GTF2F2: variants seen among roughly 807,000 people sequenced by gnomAD.
The protein encoded by GTF2F2 is general transcription factor IIF subunit 2.
Under a neutral mutation model 42.2 loss-of-function variants are expected in GTF2F2, and 23 were observed. The ratio of observed to expected loss-of-function variants is 0.55; its 90% CI spans 0.39 to 0.77. The LOEUF is 0.77. Among genes scored for constraint, GTF2F2 ranks in the 30% least tolerant of loss-of-function variants. GTF2F2 has a pLI of 0.00. For synonymous variants in GTF2F2, 105 were observed against 100.8 expected, an observed-to-expected ratio of 1.04 and a Z score of -0.25; for missense variants, 261 against 287.2, an observed-to-expected ratio of 0.91 and a Z score of 0.66.
Position 45,120,566 on chromosome 13 carries a change from G to T in GTF2F2, c.-90G>T. ...CGCCGGCTCTTCGCCTCTCAGCGCG[G>T]CTTGTCCTTTGTTCCGGACGCCCGC... is the stretch of plus-strand genomic sequence containing the variant. On this transcript the variant is annotated 5_prime_UTR_variant, in exon 1 of 8. Transcript: ENST00000340473. 2.2e-6 allele frequency: 2 copies of T among 903,176 alleles called. No individual in the cohort carries two copies. The highest frequency in any genetic ancestry group is 2.7e-5 in the East Asian group (1 of 37,730). 55.9% of individuals were successfully genotyped at this position (903,176 alleles called of 1,614,324 possible). A position where few individuals can be genotyped will look rare whatever the true frequency, so the allele number is the denominator to read the frequency against.
chr13:45,200,432 G>T (rs1464981048), intron 4 of GTF2F2, among the ~76,000 whole-genome samples: 2 of 151,762 alleles, frequency 1.3e-5, no homozygotes, highest in Non-Finnish European at 2.9e-5. Flanking sequence ...GGAAACTCCC[G>T]TATAGTTGGG....
chr13:45,225,451 G>C (rs1288128577), intron 5 of GTF2F2, among the ~76,000 whole-genome samples: 2 of 150,934 alleles, frequency 1.3e-5, no homozygotes, highest in Non-Finnish European at 2.9e-5. Flanking sequence ...TTTCCTATAA[G>C]AATAACGTTG....
At chr13:45,208,444 C>CT (rs993710859) in intron 5 of GTF2F2, among the ~76,000 whole-genome samples, 5 of 152,118 alleles carry the variant, frequency 3.3e-5, no homozygotes, top group African/African-American at 4.8e-5. Flanking sequence ...TAGAATTATA[C>CT]TTTTTTTGTT....
At chr13:45,275,383 A>T (rs1372471494) in intron 7 of GTF2F2, among the ~76,000 whole-genome samples, 5 of 151,834 alleles carry the variant, frequency 3.3e-5, no homozygotes, top group African/African-American at 1.2e-4. Context: ...TACATGTGCC[A>T]TGTTGTTGTG....
intron 4 of GTF2F2, among the ~76,000 whole-genome samples, chr13:45,157,060 C>G (rs1870796631): frequency 6.6e-6 from 1 of 152,032 alleles, no homozygotes; most frequent in Non-Finnish European, 1.5e-5. Flanking sequence ...TCGGGAGTAT[C>G]AGGTTGGGGG....
At position 45,262,844 on chromosome 13, in the gene GTF2F2, A is replaced by T. The variant is rs1027648908; in HGVS notation, c.487-4389A>T. On this transcript the variant is annotated intron_variant, in intron 6 of 7. Transcript: ENST00000340473. ...ACTGCAGCCTCAACTTCTTGGGCTC[A>T]AGTAATCCTCCTGCCTTAGCCTCCT... Among the ~76,000 whole-genome samples the T allele has an allele frequency of 3.9e-5, 6 of 152,262 alleles. No individual in the cohort carries two copies. The South Asian group carries it at 6.2e-4, about 16-fold the overall frequency.
intron 4 of GTF2F2, chr13:45,193,815 G>A (rs1425632718): frequency 2.4e-5 from 38 of 1,605,150 alleles, no homozygotes; most frequent in Non-Finnish European, 2.9e-5. Context: ...GTGCATCGCT[G>A]TGAACAATTG....
chr13:45,129,648 C>G (rs1433149781), intron 1 of GTF2F2, among the ~76,000 whole-genome samples: 1 of 152,208 alleles, frequency 6.6e-6, no homozygotes, highest in Non-Finnish European at 1.5e-5. Context: ...TCAATATCCA[C>G]TCATTAAAAT....
intron 5 of GTF2F2, among the ~76,000 whole-genome samples, chr13:45,217,365 A>G (rs145415323): frequency 2.6e-5 from 4 of 152,008 alleles, no homozygotes; most frequent in East Asian, 3.9e-4. Context: ...TTCACACAGA[A>G]TAAGTACCAT....
chr13:45,220,036 T>C (rs1874044891), intron 5 of GTF2F2, among the ~76,000 whole-genome samples: 1 of 152,140 alleles, frequency 6.6e-6, no homozygotes, highest in Non-Finnish European at 1.5e-5. Context: ...GCAAAGACCT[T>C]TTTTGTCTGA....
chr13:45,265,126 G>C (rs1056847855), intron 6 of GTF2F2, among the ~76,000 whole-genome samples: 1 of 152,052 alleles, frequency 6.6e-6, no homozygotes, highest in Non-Finnish European at 1.5e-5. Context: ...GGGCATGGTG[G>C]TGCGCACCTG....
intron 4 of GTF2F2, among the ~76,000 whole-genome samples, chr13:45,177,375 G>A (rs1338880696): frequency 1.3e-5 from 2 of 152,072 alleles, no homozygotes; most frequent in Non-Finnish European, 2.9e-5. Flanking sequence ...GTCCACTGAG[G>A]TCCAAAAAAT....
chr13:45,160,080 G>C (rs1456695828), intron 4 of GTF2F2, among the ~76,000 whole-genome samples: 1 of 152,046 alleles, frequency 6.6e-6, no homozygotes, highest in Non-Finnish European at 1.5e-5. Flanking sequence ...CTTTAATGGA[G>C]CATTTCTTAA....
chr13:45,258,619 A>G (rs960563998), intron 6 of GTF2F2, among the ~76,000 whole-genome samples: 18 of 152,228 alleles, frequency 1.2e-4, no homozygotes, highest in South Asian at 6.2e-4. Flanking sequence ...ACGGTGTTCA[A>G]TGTATTTAAA....
intron 4 of GTF2F2, among the ~76,000 whole-genome samples, chr13:45,199,521 T>C (rs1873072523): frequency 6.6e-6 from 1 of 152,148 alleles, no homozygotes; most frequent in Non-Finnish European, 1.5e-5. Flanking sequence ...AAAATGAAGT[T>C]TTTTTTTGAA....
At chr13:45,269,865 C>G (rs1455164417) in intron 7 of GTF2F2, among the ~76,000 whole-genome samples, 2 of 151,938 alleles carry the variant, frequency 1.3e-5, no homozygotes, top group Non-Finnish European at 2.9e-5. Flanking sequence ...GAGTTTTGCT[C>G]TTGTTGCCCA....
At chr13:45,163,417 C>T (rs750598580) in intron 4 of GTF2F2, among the ~76,000 whole-genome samples, 8 of 151,978 alleles carry the variant, frequency 5.3e-5, no homozygotes, top group African/African-American at 1.9e-4. Flanking sequence ...ACGCTTGTAG[C>T]ACCAGCTGTT....
intron 5 of GTF2F2, among the ~76,000 whole-genome samples, chr13:45,242,705 G>A (rs1467208804): frequency 2.6e-5 from 4 of 152,176 alleles, no homozygotes; most frequent in African/African-American, 9.7e-5. Flanking sequence ...TATAGTATTT[G>A]TTAATATAGG....
Position 45,252,886 on chromosome 13 carries a change from G to C in GTF2F2, c.402G>C (p.Glu134Asp), listed in dbSNP as rs1349753244. The C allele has an allele frequency of 9.4e-6, 14 of 1,483,688 alleles. No homozygotes were observed. Among genetic ancestry groups the C allele is most frequent in the Non-Finnish European group, 1.3e-5 (14 of 1,107,550 alleles). 91.9% of individuals were successfully genotyped at this position (1,483,688 alleles called of 1,614,324 possible). A position where few individuals can be genotyped will look rare whatever the true frequency, so the allele number is the denominator to read the frequency against. The stretch of plus-strand genomic sequence containing the variant: ...TTTTTTTCAGATTGCAAATAGAAGA[G>C]TCTTCCAAACCAGTGAGGCTATCAC... ...YMRLKRLQIEESSKPVRLSQQ... is the reference protein window; with the variant it reads ...YMRLKRLQIEDSSKPVRLSQQ... Residue 134 changes from glutamate (E) to aspartate (D), a missense_variant, in exon 6 of 8, where the codon GAG becomes GAC. By Grantham distance (45) the Glu-to-Asp change is conservative. Coordinates refer to ENST00000340473, the MANE Select transcript of GTF2F2 (RefSeq NM_004128.3).
Sources: allele counts gnomAD v4.1 joint callset (sites outside exome capture counted in the v4.1 genomes callset), GRCh38; gene constraint gnomAD v4.1.1; transcripts MANE v1.5; gene names NCBI Gene and HGNC (gene_info 2026-07-23, HGNC 2026-07-21).